CNTLN: variants seen among roughly 807,000 people sequenced by gnomAD.
CNTLN encodes centlein.
CNTLN carries 212 observed loss-of-function variants against 180.0 expected under a neutral mutation model. That is an observed-to-expected ratio of 1.18 (90% CI 1.05 to 1.32). The LOEUF (loss-of-function observed/expected upper bound fraction) is 1.32. Among genes scored for constraint, CNTLN ranks in the 40% most tolerant of loss-of-function variants. The pLI is 0.00. For synonymous variants in CNTLN, 722 were observed against 563.1 expected (o/e 1.28, Z -3.99); for missense variants, 2,095 against 1,610.9 (o/e 1.30, Z -5.14).
intron 2 of CNTLN, among the ~76,000 whole-genome samples, chr9:17,177,544 C>T (rs970573533): frequency 2.6e-5 from 4 of 152,136 alleles, no homozygotes; most frequent in East Asian, 1.9e-4. Context: ...GCGGTGTGTC[C>T]GAAGTTTGTT....
intron 6 of CNTLN, among the ~76,000 whole-genome samples, chr9:17,284,522 T>C (rs1316676486): frequency 6.6e-6 from 1 of 152,210 alleles, no homozygotes; most frequent in African/African-American, 2.4e-5. Context: ...ATCTGTTTCT[T>C]CTAGATTTTC....
chr9:17,362,260 G>A (rs1008058849), intron 12 of CNTLN, among the ~76,000 whole-genome samples: 1 of 152,126 alleles, frequency 6.6e-6, no homozygotes. Flanking sequence ...TTTCTTTGTG[G>A]GGCCATCTTG....
At chr9:17,342,962 G>A (rs984389200) in intron 12 of CNTLN, among the ~76,000 whole-genome samples, 2 of 152,146 alleles carry the variant, frequency 1.3e-5, no homozygotes, top group African/African-American at 4.8e-5. Context: ...GCCTGTTAAG[G>A]GTCTGGTGTG....
At chr9:17,260,737 G>T (rs1157657636) in intron 5 of CNTLN, among the ~76,000 whole-genome samples, 1 of 151,298 alleles carries the variant, frequency 6.6e-6, no homozygotes, top group African/African-American at 2.4e-5. Context: ...TGCTTTTGAT[G>T]TCTTCATCAT....
At chr9:17,202,928 T>C (rs1417216688) in intron 2 of CNTLN, among the ~76,000 whole-genome samples, 1 of 152,108 alleles carries the variant, frequency 6.6e-6, no homozygotes, top group African/African-American at 2.4e-5. Flanking sequence ...TTCTTCATAG[T>C]GTCGTTGGTC....
chr9:17,461,110 A>G (rs186331873), intron 19 of CNTLN, among the ~76,000 whole-genome samples: 2 of 151,638 alleles, frequency 1.3e-5, no homozygotes, highest in East Asian at 3.9e-4. Flanking sequence ...AGCCATCACT[A>G]TATTATAGTA....
intron 2 of CNTLN, among the ~76,000 whole-genome samples, chr9:17,149,854 C>T (rs201982962): frequency 4.6e-5 from 7 of 152,086 alleles, no homozygotes; most frequent in South Asian, 4.2e-4. Flanking sequence ...TTCTAACTGG[C>T]GTGAGATGGT....
At chr9:17,311,346 C>G (rs554133627) in intron 8 of CNTLN, among the ~76,000 whole-genome samples, 1 of 151,476 alleles carries the variant, frequency 6.6e-6, no homozygotes, top group African/African-American at 2.4e-5. Context: ...TTAATTTAGG[C>G]GGATTAATCA....
In CNTLN at chr9:17,330,733, A is replaced by G; in HGVS notation, c.1443A>G (p.Lys481=). The change falls in exon 9 of 26, where the codon AAA becomes AAG. Residue 481 remains lysine (K), a synonymous_variant. Transcript: ENST00000380647. ...AGAAACTAAAGATAGCAAATGAAAA[A>G]CTGTCAGAAAACATATCTGCCAACA... The part of the protein sequence containing the change: ...LQEKLKIANE[K]LSENISANKG... 4 of 1,612,350 alleles carry G rather than the reference A, an allele frequency of 2.5e-6. No homozygotes were observed. Among genetic ancestry groups the G allele is most frequent in the Non-Finnish European group, 3.4e-6 (4 of 1,178,948 alleles).
At chr9:17,178,872 G>GA (rs1820919426) in intron 2 of CNTLN, among the ~76,000 whole-genome samples, 1 of 152,202 alleles carries the variant, frequency 6.6e-6, no homozygotes, top group Non-Finnish European at 1.5e-5. Flanking sequence ...AGCGTGGCCA[G>GA]AGTGGGCGCC....
intron 16 of CNTLN, among the ~76,000 whole-genome samples, chr9:17,410,832 C>T (rs1190400914): frequency 6.6e-6 from 1 of 152,054 alleles, no homozygotes; most frequent in East Asian, 1.9e-4. Flanking sequence ...ATCCAATGTA[C>T]GTAAACATAG....
chr9:17,164,857 A>T (rs892450290), intron 2 of CNTLN, among the ~76,000 whole-genome samples: 1 of 134,930 alleles, frequency 7.4e-6, no homozygotes, highest in Admixed American at 7.7e-5. Flanking sequence ...TTTTTTTGAG[A>T]CAGAGTCTCA....
chr9:17,250,968 T>C (rs1453003431), intron 5 of CNTLN, among the ~76,000 whole-genome samples: 2 of 152,082 alleles, frequency 1.3e-5, no homozygotes, highest in Non-Finnish European at 2.9e-5. Context: ...TCAGTTTTTA[T>C]TTGTAAATGT....
intron 5 of CNTLN, among the ~76,000 whole-genome samples, chr9:17,244,823 A>C (rs1825707730): frequency 6.6e-6 from 1 of 151,854 alleles, no homozygotes; most frequent in South Asian, 2.1e-4. Context: ...TCTTTATTTG[A>C]GGTTACCATG....
At chr9:17,178,179 G>A (rs957489903) in intron 2 of CNTLN, among the ~76,000 whole-genome samples, 2 of 146,776 alleles carry the variant, frequency 1.4e-5, no homozygotes, top group African/African-American at 5.1e-5. Flanking sequence ...AACTAGATAC[G>A]GAGTGTCGAT....
chr9:17,517,997 T>C, the CNTLN span, among the ~76,000 whole-genome samples: 2 of 147,584 alleles, frequency 1.4e-5, no homozygotes, highest in East Asian at 4.1e-4. Flanking sequence ...AATCACCTCC[T>C]ACCCCCACCT....
At chr9:17,254,305 G>T (rs1826337398) in intron 5 of CNTLN, among the ~76,000 whole-genome samples, 1 of 151,504 alleles carries the variant, frequency 6.6e-6, no homozygotes. Flanking sequence ...TATGCTTTTG[G>T]CATAGTCCCA....
At chr9:17,271,534 GTA>G (rs1827944740) in intron 5 of CNTLN, among the ~76,000 whole-genome samples, 1 of 152,060 alleles carries the variant, frequency 6.6e-6, no homozygotes, top group African/African-American at 2.4e-5. Flanking sequence ...ACTTGTTCTA[GTA>G]TTTTCTAATG....
chr9:17,263,162 A>C (rs946226388), intron 5 of CNTLN, among the ~76,000 whole-genome samples: 2 of 149,324 alleles, frequency 1.3e-5, no homozygotes, highest in Non-Finnish European at 3.0e-5. Flanking sequence ...ATTTAGCATT[A>C]GGTATATCTC....
Sources: gnomAD v4.1 joint callset for allele counts (sites outside exome capture counted in the v4.1 genomes callset) on GRCh38, gnomAD v4.1.1 for gene constraint, MANE v1.5 for transcripts, NCBI Gene and HGNC (gene_info 2026-07-23, HGNC 2026-07-21) for gene names.